GRIK2: variants seen among roughly 807,000 people sequenced by gnomAD.
The protein encoded by GRIK2 is glutamate receptor ionotropic, kainate 2.
A neutral mutation model predicts 100.3 loss-of-function variants in GRIK2; 32 were observed. That is an observed-to-expected ratio of 0.32 (90% CI 0.24 to 0.43). The LOEUF (loss-of-function observed/expected upper bound fraction) is 0.43, where lower values mean the gene tolerates loss of function less well. Among genes scored for constraint, GRIK2 ranks in the 20% least tolerant of loss-of-function variants. The probability of loss-of-function intolerance (pLI) is 1.00; values close to 1 mark genes in which losing one functional copy is unlikely to be tolerated. For missense variants in GRIK2, 843 were observed against 1,114.9 expected (o/e 0.76, Z 3.47); for synonymous variants, 417 against 389.4 (o/e 1.07, Z -0.83).
intron 2 of GRIK2, among the ~76,000 whole-genome samples, chr6:101,412,058 A>T (rs994905151): frequency 6.6e-6 from 1 of 152,086 alleles, no homozygotes; most frequent in Admixed American, 6.6e-5. Flanking sequence ...AATAATGTCC[A>T]GCCTAGATGG....
intron 2 of GRIK2, among the ~76,000 whole-genome samples, chr6:101,463,473 TTGTA>T (rs1771449939): frequency 6.6e-6 from 1 of 152,142 alleles, no homozygotes; most frequent in East Asian, 1.9e-4. Context: ...AGAATATAAA[TTGTA>T]TTTTTATTCC....
intron 13 of GRIK2, chr6:101,928,075 A>T (rs1353199919): frequency 8.7e-6 from 2 of 228,710 alleles, no homozygotes; most frequent in African/African-American, 4.6e-5. Context: ...AAAAACAATA[A>T]ATGTGGTTTA....
At chr6:102,046,503 G>C (rs1012395276) in intron 15 of GRIK2, among the ~76,000 whole-genome samples, 1 of 151,998 alleles carries the variant, frequency 6.6e-6, no homozygotes, top group Non-Finnish European at 1.5e-5. Flanking sequence ...CCCACAACCT[G>C]CACCCACTGC....
At chr6:101,402,453 T>C (rs1223580187) in intron 2 of GRIK2, among the ~76,000 whole-genome samples, 1 of 152,164 alleles carries the variant, frequency 6.6e-6, no homozygotes, top group Non-Finnish European at 1.5e-5. Context: ...CAGGCTGGCC[T>C]GCTCCTCTGC....
At chr6:101,733,338 G>C (rs1014559284) in intron 7 of GRIK2, among the ~76,000 whole-genome samples, 4 of 152,050 alleles carry the variant, frequency 2.6e-5, no homozygotes, top group Non-Finnish European at 5.9e-5. Flanking sequence ...ACAGGTATAG[G>C]ATAAACATCC....
At chr6:101,571,236 C>G (rs145439483) in intron 2 of GRIK2, among the ~76,000 whole-genome samples, 1 of 152,056 alleles carries the variant, frequency 6.6e-6, no homozygotes. Context: ...TTGGTTTACA[C>G]GTGCCATGAT....
intron 12 of GRIK2, among the ~76,000 whole-genome samples, chr6:101,899,072 G>A (rs577034956): frequency 6.7e-6 from 1 of 149,014 alleles, no homozygotes; most frequent in Admixed American, 6.7e-5. Context: ...TACATATATA[G>A]AAAGAGAGAG....
At chr6:101,798,650 C>G (rs758285373) in intron 7 of GRIK2, among the ~76,000 whole-genome samples, 4 of 151,786 alleles carry the variant, frequency 2.6e-5, no homozygotes, top group Non-Finnish European at 4.4e-5. Flanking sequence ...TCACAGCTCA[C>G]TAATTGTGTG....
intron 14 of GRIK2, among the ~76,000 whole-genome samples, chr6:102,012,089 A>T (rs1383031095): frequency 6.6e-6 from 1 of 151,934 alleles, no homozygotes; most frequent in Non-Finnish European, 1.5e-5. Flanking sequence ...CTTTTTTTAA[A>T]GTTTTTCTAG....
At chr6:101,667,678 T>C (rs1278761052) in intron 4 of GRIK2, among the ~76,000 whole-genome samples, 4 of 152,148 alleles carry the variant, frequency 2.6e-5, no homozygotes, top group Admixed American at 6.6e-5. Context: ...GAATGTATCA[T>C]CTATACTGTA....
intron 2 of GRIK2, among the ~76,000 whole-genome samples, chr6:101,450,597 G>T (rs911133609): frequency 2.0e-5 from 3 of 151,592 alleles, no homozygotes; most frequent in Admixed American, 6.6e-5. Context: ...GCAAGTAACT[G>T]GTTCCCTTGA....
At chr6:101,429,154 A>G (rs184101346) in intron 2 of GRIK2, among the ~76,000 whole-genome samples, 3 of 152,328 alleles carry the variant, frequency 2.0e-5, no homozygotes, top group African/African-American at 4.8e-5. Context: ...AGAATGACAC[A>G]TATGAACTGA....
intron 10 of GRIK2, among the ~76,000 whole-genome samples, chr6:101,821,866 C>A (rs1490985275): frequency 1.3e-5 from 2 of 151,966 alleles, no homozygotes; most frequent in African/African-American, 4.8e-5. Context: ...AGAGGAAATT[C>A]TGGCTACATT....
At chr6:101,690,760 A>G (rs1339108306) in intron 7 of GRIK2, among the ~76,000 whole-genome samples, 1 of 152,158 alleles carries the variant, frequency 6.6e-6, no homozygotes, top group South Asian at 2.1e-4. Flanking sequence ...CTCATCATGT[A>G]TCACCTATTC....
intron 7 of GRIK2, among the ~76,000 whole-genome samples, chr6:101,689,974 T>C (rs922495137): frequency 2.6e-5 from 4 of 152,160 alleles, no homozygotes; most frequent in Non-Finnish European, 4.4e-5. Flanking sequence ...ATTGTCTGCC[T>C]TTATGTAGCA....
In GRIK2 at chr6:101,846,018, G is replaced by T. The variant is rs567601759; in HGVS notation, c.1318-13269G>T. Reference sequence around the variant, plus strand: ...TTTTAAACAGCATTGTTTTTTTTTTGTTGTTGTTGTTGTAGGAGTTCTTTA... The same window carrying T: ...TTTTAAACAGCATTGTTTTTTTTTTTTTGTTGTTGTTGTAGGAGTTCTTTA... On this transcript the variant is annotated intron_variant, in intron 10 of 16. Coordinates refer to ENST00000369134, the MANE Select transcript of GRIK2 (RefSeq NM_021956.5). Among the ~76,000 whole-genome samples the T allele has an allele frequency of 1.7e-3, 244 of 142,996 alleles. 1 individual carries two copies. The highest frequency in any genetic ancestry group is 4.2e-3 in the African/African-American group (146 of 35,112). The allele number at this position is 142,996 out of a possible 152,430, so 93.8% of individuals were successfully genotyped here.
intron 12 of GRIK2, among the ~76,000 whole-genome samples, chr6:101,900,571 C>A (rs1045196587): frequency 6.6e-6 from 1 of 151,928 alleles, no homozygotes; most frequent in Non-Finnish European, 1.5e-5. Context: ...GTATAGAATG[C>A]ATATATATAA....
In GRIK2 at chr6:102,027,073, G is replaced by A. The variant is rs537198880; in HGVS notation, c.2086-8268G>A. ...TCTCAGCCAGAATCTCTTTTACCAA[G>A]GGAGACCTTGCTATGAGCATTAGGG... On this transcript the variant is annotated intron_variant, in intron 14 of 16. Transcript: ENST00000369134. Among the ~76,000 whole-genome samples the A allele has an allele frequency of 5.9e-5, 9 of 151,344 alleles. No homozygotes were observed. The South Asian group carries it at 1.9e-3, about 31-fold the overall frequency.
intron 2 of GRIK2, chr6:101,431,243 C>A: frequency 6.0e-6 from 1 of 166,996 alleles, no homozygotes. Flanking sequence ...TAATGCTGTG[C>A]TTGAAGGAGT....
Sources: allele counts gnomAD v4.1 joint callset (sites outside exome capture counted in the v4.1 genomes callset), GRCh38; gene constraint gnomAD v4.1.1; transcripts MANE v1.5; gene names NCBI Gene and HGNC (gene_info 2026-07-23, HGNC 2026-07-21).